ZNF487: variants seen among roughly 807,000 people sequenced by gnomAD.
ZNF487 encodes KRAB domain only 1.
Under a neutral mutation model 3.0 loss-of-function variants are expected in ZNF487, and 4 were observed. The ratio of observed to expected loss-of-function variants is 1.35; its 90% CI spans 0.66 to 3.08. The LOEUF (loss-of-function observed/expected upper bound fraction) is 3.08. Ranked by LOEUF, ZNF487 falls within the 30% of genes most tolerant of loss-of-function variation. The probability of loss-of-function intolerance (pLI) is 0.01; values close to 1 mark genes in which losing one functional copy is unlikely to be tolerated. For missense variants in ZNF487, 146 were observed against 98.7 expected (o/e 1.48, Z -2.03); for synonymous variants, 55 against 34.6 (o/e 1.59, Z -2.06).
Position 43,483,076 on chromosome 10 carries a change from A to T in ZNF487, c.*1154A>T. The T allele has an allele frequency of 2.2e-6, 1 of 457,632 alleles. No individual in the cohort carries two copies. Among genetic ancestry groups the T allele is most frequent in the South Asian group, 1.5e-5 (1 of 64,638 alleles). The allele number at this position is 457,632 out of a possible 1,614,324, so 28.3% of individuals were successfully genotyped here. On this transcript the variant is annotated 3_prime_UTR_variant, in exon 4 of 4. Coordinates refer to ENST00000437590, the MANE Select transcript of ZNF487 (RefSeq NM_001355444.3). The stretch of plus-strand genomic sequence containing the variant: ...GACAACATAGAGGAAACCCTTGTCA[A>T]CATCCTGAAGGCTCAGAAACCTTCA...
the ZNF487 span, among the ~76,000 whole-genome samples, chr10:43,500,033 A>G: frequency 6.6e-6 from 1 of 151,846 alleles, no homozygotes. Context: ...ACAGGCATGC[A>G]CCACCACACC....
chr10:43,511,075 T>C, the ZNF487 span, among the ~76,000 whole-genome samples: 1 of 152,156 alleles, frequency 6.6e-6, no homozygotes, highest in Non-Finnish European at 1.5e-5. Flanking sequence ...TTCACTTCCA[T>C]CCCTTGATTC....
intron 1 of ZNF487, among the ~76,000 whole-genome samples, chr10:43,443,061 CTTTT>C (rs34420531): frequency 3.3e-5 from 4 of 119,890 alleles, no homozygotes; most frequent in South Asian, 2.7e-4. Flanking sequence ...CTCGTTCTAG[CTTTT>C]TTTTTTTTTT....
chr10:43,475,911 A>G lies in ZNF487; in HGVS notation c.34+64A>G, dbSNP rs182605206. The G allele has an allele frequency of 1.9e-3, 1,255 of 676,234 alleles. 9 individuals carry two copies. The highest frequency in any genetic ancestry group is 0.01 in the South Asian group (611 of 59,110). 41.9% of individuals were successfully genotyped at this position (676,234 alleles called of 1,614,324 possible). ...TTTCCTTTTTAGCTGCTGATTACAGATGGTTTCTTTGTATGAATATGAGTT... is the reference window on the plus strand; with the variant it reads ...TTTCCTTTTTAGCTGCTGATTACAGGTGGTTTCTTTGTATGAATATGAGTT... On this transcript the variant is annotated intron_variant, in intron 2 of 3. Coordinates refer to ENST00000437590, the MANE Select transcript of ZNF487 (RefSeq NM_001355444.3).
chr10:43,476,929 C>T (rs1324564502), intron 3 of ZNF487, among the ~76,000 whole-genome samples: 1 of 152,128 alleles, frequency 6.6e-6, no homozygotes, highest in Non-Finnish European at 1.5e-5. Flanking sequence ...AGATAATAAG[C>T]ATGATCTCAA....
chr10:43,478,026 A>G (rs1588743528), intron 3 of ZNF487, among the ~76,000 whole-genome samples: 1 of 152,166 alleles, frequency 6.6e-6, no homozygotes, highest in African/African-American at 2.4e-5. Context: ...TTAAGTGAAA[A>G]AGAGAAAACC....
intron 1 of ZNF487, among the ~76,000 whole-genome samples, chr10:43,448,377 C>T (rs894976052): frequency 1.6e-4 from 24 of 151,998 alleles, no homozygotes; most frequent in Non-Finnish European, 7.3e-5. Flanking sequence ...ATTCGTCTTG[C>T]GCTGAAGTGG....
At chr10:43,449,085 G>C (rs1487943678) in intron 1 of ZNF487, among the ~76,000 whole-genome samples, 4 of 151,828 alleles carry the variant, frequency 2.6e-5, no homozygotes, top group Admixed American at 2.0e-4. Context: ...GATTGCCTGA[G>C]CTCAGGAGTT....
chr10:43,461,098 C>T (rs1010751998), intron 1 of ZNF487, among the ~76,000 whole-genome samples: 18 of 152,160 alleles, frequency 1.2e-4, no homozygotes, highest in African/African-American at 4.3e-4. Context: ...CCTCCACCTC[C>T]CCAGTTCAAG....
intron 1 of ZNF487, among the ~76,000 whole-genome samples, chr10:43,469,384 G>A (rs1840823034): frequency 6.6e-6 from 1 of 152,050 alleles, no homozygotes; most frequent in Non-Finnish European, 1.5e-5. Flanking sequence ...ATAGAGACGG[G>A]CTTTCAGCAT....
the ZNF487 span, among the ~76,000 whole-genome samples, chr10:43,503,155 C>T: frequency 1.3e-5 from 2 of 152,052 alleles, no homozygotes; most frequent in Non-Finnish European, 2.9e-5. Flanking sequence ...CTTGAAGACC[C>T]TCCAGTGGAA....
intron 3 of ZNF487, among the ~76,000 whole-genome samples, chr10:43,479,729 C>G (rs1306157777): frequency 6.6e-6 from 1 of 151,958 alleles, no homozygotes; most frequent in Non-Finnish European, 1.5e-5. Flanking sequence ...CTCACTGCAA[C>G]CTCCGCCTCT....
the ZNF487 span, among the ~76,000 whole-genome samples, chr10:43,497,695 C>A: frequency 6.6e-6 from 1 of 151,910 alleles, no homozygotes; most frequent in Non-Finnish European, 1.5e-5. Context: ...AGGCTGGGCG[C>A]GGTGGCTCAC....
At chr10:43,481,405 G>C (rs1208263542) in intron 3 of ZNF487, 24 bp from the exon 4 acceptor site, 1 of 680,744 alleles carries the variant, frequency 1.5e-6, no homozygotes, top group Non-Finnish European at 2.7e-6. Context: ...TTTATAATCT[G>C]TGATAACTTA....
the ZNF487 span, among the ~76,000 whole-genome samples, chr10:43,522,088 T>C: frequency 3.9e-5 from 6 of 152,352 alleles, no homozygotes; most frequent in African/African-American, 1.4e-4. Context: ...ATAGCCTACA[T>C]GTATGCTTTC....
chr10:43,450,030 T>A (rs573868388), intron 1 of ZNF487, among the ~76,000 whole-genome samples: 4 of 152,194 alleles, frequency 2.6e-5, no homozygotes, highest in African/African-American at 9.6e-5. Flanking sequence ...TACTGATACT[T>A]GATTCAGTTA....
intron 1 of ZNF487, among the ~76,000 whole-genome samples, chr10:43,443,853 ATT>A (rs1260588015): frequency 8.1e-5 from 11 of 135,918 alleles, no homozygotes; most frequent in Admixed American, 1.5e-4. Context: ...TATTGCTTGA[ATT>A]TTTTTTTTTT....
intron 1 of ZNF487, among the ~76,000 whole-genome samples, chr10:43,465,924 G>A (rs10400139): frequency 0.13 from 19,289 of 151,926 alleles, 2,555 homozygotes; most frequent in African/African-American, 0.35. Context: ...ACGAGACTCT[G>A]TCTGCAATCC....
At chr10:43,445,265 A>T (rs901455707) in intron 1 of ZNF487, among the ~76,000 whole-genome samples, 2 of 151,970 alleles carry the variant, frequency 1.3e-5, no homozygotes, top group African/African-American at 4.8e-5. Context: ...CTGGGATTAT[A>T]GGTGTGAATC....
Sources: allele counts gnomAD v4.1 joint callset (sites outside exome capture counted in the v4.1 genomes callset), GRCh38; gene constraint gnomAD v4.1.1; transcripts MANE v1.5; gene names NCBI Gene and HGNC (gene_info 2026-07-23, HGNC 2026-07-21).